CA10: variants seen among roughly 807,000 people sequenced by gnomAD.
CA10 encodes the protein carbonic anhydrase 10 (inactive).
Under a neutral mutation model 44.2 loss-of-function variants are expected in CA10, and 14 were observed. That is an observed-to-expected ratio of 0.32 (90% CI 0.21 to 0.50). CA10 has a LOEUF of 0.50. Among genes scored for constraint, CA10 ranks in the 20% least tolerant of loss-of-function variants. The pLI, the probability that CA10 is intolerant of heterozygous loss-of-function variation, is 0.99. For synonymous variants in CA10, 159 were observed against 141.6 expected (o/e 1.12, Z -0.87); for missense variants, 350 against 409.7 (o/e 0.85, Z 1.26).
chr17:51,784,107 A>T (rs959634388), intron 3 of CA10, among the ~76,000 whole-genome samples: 1 of 152,126 alleles, frequency 6.6e-6, no homozygotes, highest in African/African-American at 2.4e-5. Flanking sequence ...GTTAAATATT[A>T]TTATTCCCAT....
intron 3 of CA10, among the ~76,000 whole-genome samples, chr17:51,771,526 G>A (rs924834821): frequency 4.6e-5 from 7 of 152,154 alleles, no homozygotes; most frequent in Non-Finnish European, 8.8e-5. Context: ...TCTCTGTAAT[G>A]GCTATGTTGG....
At chr17:51,831,700 C>CAGCAGT (rs2035179448) in intron 3 of CA10, among the ~76,000 whole-genome samples, 1 of 81,634 alleles carries the variant, frequency 1.2e-5, no homozygotes, top group African/African-American at 3.7e-5. Context: ...GCAGCAGCAG[C>CAGCAGT]AGCAGCAGCA....
At chr17:51,839,696 G>C (rs1978303930) in intron 3 of CA10, among the ~76,000 whole-genome samples, 1 of 152,078 alleles carries the variant, frequency 6.6e-6, no homozygotes, top group African/African-American at 2.4e-5. Flanking sequence ...GCTTGGTAGA[G>C]AGATTGGCCT....
intron 4 of CA10, among the ~76,000 whole-genome samples, chr17:51,661,370 G>A (rs1232401808): frequency 3.3e-5 from 5 of 152,194 alleles, no homozygotes; most frequent in South Asian, 4.1e-4. Context: ...TATCTCTAAT[G>A]GGAACCAAGA....
intron 4 of CA10, among the ~76,000 whole-genome samples, chr17:51,656,680 G>A (rs2038213300): frequency 6.6e-6 from 1 of 152,204 alleles, no homozygotes; most frequent in Non-Finnish European, 1.5e-5. Flanking sequence ...GCGCTCTAGG[G>A]ATCAGCAGCA....
intron 4 of CA10, among the ~76,000 whole-genome samples, chr17:51,672,162 C>G (rs112175134): frequency 1.6e-3 from 250 of 152,244 alleles, no homozygotes; most frequent in African/African-American, 5.8e-3. Flanking sequence ...CTTAAGTTAC[C>G]CATATTCCCA....
At chr17:52,025,303 C>A (rs1332611369) in intron 2 of CA10, among the ~76,000 whole-genome samples, 2 of 152,072 alleles carry the variant, frequency 1.3e-5, no homozygotes, top group African/African-American at 4.8e-5. Flanking sequence ...CACCTGGGTT[C>A]TACTCCACTT....
chr17:51,777,769 A>G (rs1905883618), intron 3 of CA10, among the ~76,000 whole-genome samples: 2 of 152,160 alleles, frequency 1.3e-5, no homozygotes, highest in Admixed American at 1.3e-4. Flanking sequence ...TGTCTTTACA[A>G]AAAGCAAAAA....
intron 2 of CA10, among the ~76,000 whole-genome samples, chr17:52,007,599 A>G (rs1985645293): frequency 6.6e-6 from 1 of 151,672 alleles, no homozygotes; most frequent in African/African-American, 2.4e-5. Flanking sequence ...CTTAAAAAAT[A>G]GTTCAATGTA....
intron 1 of CA10, among the ~76,000 whole-genome samples, chr17:52,094,516 T>C (rs948804111): frequency 1.3e-5 from 2 of 152,100 alleles, no homozygotes; most frequent in Admixed American, 6.6e-5. Flanking sequence ...AGAGTGAAAA[T>C]GTAATTCATG....
intron 1 of CA10, among the ~76,000 whole-genome samples, chr17:52,110,013 C>T (rs1040990333): frequency 4.6e-5 from 7 of 152,130 alleles, no homozygotes; most frequent in African/African-American, 1.4e-4. Flanking sequence ...CATGCTCATA[C>T]CCTCCTAATC....
At chr17:51,925,611 G>A (rs1982398635) in intron 3 of CA10, among the ~76,000 whole-genome samples, 1 of 152,078 alleles carries the variant, frequency 6.6e-6, no homozygotes, top group African/African-American at 2.4e-5. Flanking sequence ...ACTGGAAGCA[G>A]GGACTCAAAC....
intron 3 of CA10, among the ~76,000 whole-genome samples, chr17:51,868,194 G>C (rs1387521012): frequency 6.6e-6 from 1 of 151,908 alleles, no homozygotes; most frequent in African/African-American, 2.4e-5. Context: ...AATCCCCACA[G>C]ATGGTGAACC....
chr17:51,755,497 T>C (rs184771238), intron 3 of CA10, among the ~76,000 whole-genome samples: 1 of 152,330 alleles, frequency 6.6e-6, no homozygotes, highest in East Asian at 1.9e-4. Flanking sequence ...ATATGTTCTC[T>C]CTCAAGGCAG....
Position 51,747,749 on chromosome 17 carries a change from T to C in CA10, c.349A>G (p.Ile117Val), listed in dbSNP as rs775344558. Residue 117 changes from isoleucine (I) to valine (V), a missense_variant, in exon 4 of 9, where the codon ATA (isoleucine) becomes GTA (valine). Physicochemically the swap from Ile to Val is conservative, Grantham distance 29. Transcript: ENST00000451037. Reference sequence around the variant, plus strand: ...CTGTATGTCATGGGCCCTCCAGATATGTTGACCAAGTGCTCCTTGTCCAGG... The same window carrying C: ...CTGTATGTCATGGGCCCTCCAGATACGTTGACCAAGTGCTCCTTGTCCAGG... ...LRLDKEHLVN[I>V]SGGPMTYSHR... 58 of 1,614,082 alleles carry C rather than the reference T, an allele frequency of 3.6e-5. 1 individual carries two copies. In the East Asian group the frequency reaches 1.1e-3, roughly 32 times the overall value.
At chr17:52,085,828 GC>G (rs1988103332) in intron 1 of CA10, among the ~76,000 whole-genome samples, 1 of 152,078 alleles carries the variant, frequency 6.6e-6, no homozygotes, top group Admixed American at 6.6e-5. Flanking sequence ...GGTGATGTTT[GC>G]CATGTGTTCA....
chr17:52,039,487 T>C (rs1598180626), intron 2 of CA10, among the ~76,000 whole-genome samples: 1 of 152,078 alleles, frequency 6.6e-6, no homozygotes, highest in Non-Finnish European at 1.5e-5. Context: ...CCCAGACAGA[T>C]GGCTGAACCA....
At chr17:51,649,288 A>G (rs746263814) in intron 5 of CA10, 34 bp from the exon 6 acceptor site, 1 of 1,462,576 alleles carries the variant, frequency 6.8e-7, no homozygotes, top group Non-Finnish European at 9.6e-7. Context: ...ATGACTGGGC[A>G]TCACTCTTGC....
intron 3 of CA10, among the ~76,000 whole-genome samples, chr17:51,869,079 C>G (rs761499740): frequency 1.3e-5 from 2 of 151,766 alleles, no homozygotes; most frequent in African/African-American, 4.8e-5. Flanking sequence ...TTTTGATGCT[C>G]ATAATAATTT....
Sources: gnomAD v4.1 joint callset for allele counts (sites outside exome capture counted in the v4.1 genomes callset) on GRCh38, gnomAD v4.1.1 for gene constraint, MANE v1.5 for transcripts, NCBI Gene and HGNC (gene_info 2026-07-23, HGNC 2026-07-21) for gene names.